LRP1B: variants seen among roughly 807,000 people sequenced by gnomAD.
The protein encoded by LRP1B is LDL receptor related protein 1B.
In LRP1B, 217 loss-of-function variants were observed where a neutral mutation model predicts 556.6. The observed-to-expected ratio is 0.39, with a 90% confidence interval of 0.35 to 0.44. The LOEUF is 0.44. LRP1B is among the 20% of genes least tolerant of loss of function. The pLI, the probability that LRP1B is intolerant of heterozygous loss-of-function variation, is 1.00. For synonymous variants in LRP1B, 2,047 were observed against 1,865.8 expected, an observed-to-expected ratio of 1.10 and a Z score of -2.50; for missense variants, 5,053 against 5,620.8, an observed-to-expected ratio of 0.90 and a Z score of 3.23.
intron 2 of LRP1B, among the ~76,000 whole-genome samples, chr2:141,725,423 G>C (rs1296136336): frequency 1.3e-5 from 2 of 151,830 alleles, no homozygotes; most frequent in Non-Finnish European, 2.9e-5. Flanking sequence ...GGTCATCAGA[G>C]ATCAAAATGG....
intron 3 of LRP1B, among the ~76,000 whole-genome samples, chr2:141,441,140 G>A (rs145552987): frequency 1.7e-4 from 26 of 151,870 alleles, no homozygotes; most frequent in Non-Finnish European, 2.5e-4. Context: ...GCAATGGTAC[G>A]ATCTTGGTTC....
At chr2:141,512,192 T>C (rs1444365102) in intron 2 of LRP1B, among the ~76,000 whole-genome samples, 1 of 152,120 alleles carries the variant, frequency 6.6e-6, no homozygotes, top group Non-Finnish European at 1.5e-5. Context: ...ATTTATCATG[T>C]TTATTAAGCC....
intron 49 of LRP1B, among the ~76,000 whole-genome samples, chr2:140,520,720 C>T (rs1211849819): frequency 7.0e-6 from 1 of 143,814 alleles, no homozygotes; most frequent in African/African-American, 2.6e-5. Context: ...CAGTCAAATG[C>T]TCTAGAATTT....
At chr2:141,075,303 A>T (rs1699757580) in intron 7 of LRP1B, among the ~76,000 whole-genome samples, 1 of 152,178 alleles carries the variant, frequency 6.6e-6, no homozygotes, top group African/African-American at 2.4e-5. Flanking sequence ...GAATAGAGAT[A>T]AAGAGTTCAA....
chr2:141,149,734 T>A (rs1472482126), intron 7 of LRP1B, among the ~76,000 whole-genome samples: 1 of 152,166 alleles, frequency 6.6e-6, no homozygotes, highest in Non-Finnish European at 1.5e-5. Context: ...ATGAGAATTC[T>A]ATACTTCAGG....
In LRP1B at chr2:140,325,125, G is replaced by A. The variant is rs542856218; in HGVS notation, c.12340+637C>T. On this transcript the variant is annotated intron_variant, in intron 80 of 90. Coordinates refer to ENST00000389484, the MANE Select transcript of LRP1B (RefSeq NM_018557.3). ...GGGAAAAGAAAGTGAAACAGAAAGG[G>A]AAGAAATTAAATTCAGCAGAAAGAA... Among the ~76,000 whole-genome samples the A allele has an allele frequency of 8.6e-5, 13 of 152,036 alleles. No homozygotes were observed. In the East Asian group the frequency reaches 2.3e-3, roughly 27 times the overall value.
At chr2:140,544,866 T>C (rs1680269380) in intron 43 of LRP1B, among the ~76,000 whole-genome samples, 1 of 152,118 alleles carries the variant, frequency 6.6e-6, no homozygotes, top group Non-Finnish European at 1.5e-5. Context: ...TCGAATGGTA[T>C]CTCTATTTTT....
At chr2:141,544,768 C>A (rs949332882) in intron 2 of LRP1B, among the ~76,000 whole-genome samples, 2 of 151,654 alleles carry the variant, frequency 1.3e-5, no homozygotes, top group East Asian at 1.9e-4. Context: ...TGGGCTCAAG[C>A]AATCCTCCCA....
chr2:141,497,112 C>T (rs965600782), intron 2 of LRP1B, among the ~76,000 whole-genome samples: 1 of 151,950 alleles, frequency 6.6e-6, no homozygotes, highest in Non-Finnish European at 1.5e-5. Flanking sequence ...TGCAATTTCT[C>T]ATATATTATA....
At chr2:141,552,575 T>A (rs1685792966) in intron 2 of LRP1B, among the ~76,000 whole-genome samples, 1 of 152,068 alleles carries the variant, frequency 6.6e-6, no homozygotes, top group South Asian at 2.1e-4. Flanking sequence ...TGCATATCCT[T>A]GCTTTAGCAC....
At chr2:140,799,798 G>T (rs1256576482) in intron 32 of LRP1B, among the ~76,000 whole-genome samples, 1 of 152,096 alleles carries the variant, frequency 6.6e-6, no homozygotes, top group East Asian at 1.9e-4. Flanking sequence ...GGCCAAATAG[G>T]AACAGCTCGA....
chr2:141,290,786 C>A (rs1685912252), intron 3 of LRP1B, among the ~76,000 whole-genome samples: 2 of 152,044 alleles, frequency 1.3e-5, no homozygotes, highest in South Asian at 4.1e-4. Flanking sequence ...ATAAAAACTT[C>A]ATGATAAAGT....
chr2:141,164,378 T>G (rs1680163259), intron 7 of LRP1B, among the ~76,000 whole-genome samples: 1 of 152,066 alleles, frequency 6.6e-6, no homozygotes, highest in Non-Finnish European at 1.5e-5. Flanking sequence ...TCACACTAAA[T>G]AGCCTAAACT....
intron 2 of LRP1B, among the ~76,000 whole-genome samples, chr2:141,736,093 T>A (rs763765803): frequency 6.6e-6 from 1 of 152,188 alleles, no homozygotes; most frequent in East Asian, 1.9e-4. Flanking sequence ...TAGGGGCAGG[T>A]TGTTCCCAGA....
At chr2:140,358,171 T>G (rs1682322915) in intron 73 of LRP1B, 55 bp from the exon 74 acceptor site, 1 of 1,534,006 alleles carries the variant, frequency 6.5e-7, no homozygotes, top group Non-Finnish European at 8.9e-7. Flanking sequence ...ACACTCTTAT[T>G]GAGCATGTAA....
At chr2:141,443,231 T>C (rs1210222657) in intron 3 of LRP1B, among the ~76,000 whole-genome samples, 2 of 152,214 alleles carry the variant, frequency 1.3e-5, no homozygotes, top group Non-Finnish European at 2.9e-5. Flanking sequence ...ATGTCTTCTT[T>C]TGAGAAGTGT....
intron 2 of LRP1B, among the ~76,000 whole-genome samples, chr2:141,627,694 C>T (rs994783423): frequency 6.6e-6 from 1 of 152,300 alleles, no homozygotes; most frequent in African/African-American, 2.4e-5. Flanking sequence ...GAAACACTGT[C>T]GTCCACGAAA....
intron 35 of LRP1B, 100 bp downstream of exon 35, chr2:140,769,113 T>C (rs1689214433): frequency 9.2e-7 from 1 of 1,085,640 alleles, no homozygotes. Flanking sequence ...TTATTTCTCA[T>C]CTTGACTATT....
At chr2:141,994,245 A>T (rs980026556) in intron 1 of LRP1B, among the ~76,000 whole-genome samples, 1 of 152,170 alleles carries the variant, frequency 6.6e-6, no homozygotes, top group Non-Finnish European at 1.5e-5. Flanking sequence ...TGTTAATGTA[A>T]TAGTGGCCAG....
Sources: gnomAD v4.1 joint callset for allele counts (sites outside exome capture counted in the v4.1 genomes callset) on GRCh38, gnomAD v4.1.1 for gene constraint, MANE v1.5 for transcripts, NCBI Gene and HGNC (gene_info 2026-07-23, HGNC 2026-07-21) for gene names.